The following FZD2 variants were observed in gnomAD, a reference collection of about 807,000 sequenced individuals.
FZD2 encodes the protein frizzled class receptor 2.
FZD2 carries 17 observed loss-of-function variants against 36.7 expected under a neutral mutation model. The ratio of observed to expected loss-of-function variants is 0.46; its 90% CI spans 0.32 to 0.70. The LOEUF (loss-of-function observed/expected upper bound fraction) is 0.70. FZD2 is among the 30% of genes least tolerant of loss of function. FZD2 has a pLI of 0.04. For synonymous variants in FZD2, 333 were observed against 359.6 expected (o/e 0.93, Z 0.84); for missense variants, 525 against 805.6 (o/e 0.65, Z 4.22).
chr17:44,557,854 A>G lies in FZD2; in HGVS notation c.166A>G (p.Ile56Val), dbSNP rs1970845580. 6.2e-7 allele frequency: 1 copy of G among 1,613,984 alleles called. No individual in the cohort carries two copies. The highest frequency in any genetic ancestry group is 1.3e-5 in the African/African-American group (1 of 74,912). The part of the protein sequence containing the change: ...LCTDIAYNQT[I>V]MPNLLGHTNQ... Reference sequence around the variant, plus strand: ...CACGGACATCGCCTACAACCAGACCATCATGCCCAACCTTCTGGGCCACAC... The same window carrying G: ...CACGGACATCGCCTACAACCAGACCGTCATGCCCAACCTTCTGGGCCACAC... Residue 56 changes from isoleucine (I) to valine (V), a missense_variant, in exon 1 of 1, where the codon ATC becomes GTC. This residue lies in a region of FZD2 where 29 missense variants were observed against 82.4 expected (regional missense o/e 0.35). Coordinates refer to ENST00000315323, the MANE Select transcript of FZD2 (RefSeq NM_001466.4). The surrounding 1 kb of genome is among the most constrained non-coding windows in gnomAD (Gnocchi z 4.9).
rs1313542226 is a variant in FZD2 at position 44,561,053 on chromosome 17, G to A, written c.*1667G>A. On this transcript the variant is annotated 3_prime_UTR_variant, in exon 1 of 1. Coordinates refer to ENST00000315323, the MANE Select transcript of FZD2 (RefSeq NM_001466.4). The stretch of plus-strand genomic sequence containing the variant: ...TTAAGTTAACTTCCTGAGAAGTGAT[G>A]TCTAAAAGTATCTTTGCTGGTGTGA... 6.6e-6 allele frequency among the ~76,000 whole-genome samples: 1 copy of A among 152,162 alleles called. No homozygotes were observed. Among genetic ancestry groups the A allele is most frequent in the Non-Finnish European group, 1.5e-5 (1 of 68,034 alleles).
Position 44,559,209 on chromosome 17 carries a change from G to C in FZD2, c.1521G>C (p.Pro507=), listed in dbSNP as rs758721487. The C allele has an allele frequency of 1.9e-6, 3 of 1,613,960 alleles. No homozygotes were observed. The highest frequency in any genetic ancestry group is 2.5e-6 in the Non-Finnish European group (3 of 1,179,990). Residue 507 remains proline, a synonymous_variant, in exon 1 of 1, where the codon CCG becomes CCC. Transcript: ENST00000315323. This position sits in a 1 kb window ranked among gnomAD's most constrained non-coding sequence, Gnocchi z 4.4. ...QHCKSLAIPC[P]AHYTPRMSPD... is the part of the protein sequence containing the mutation. ...GCAAGAGCCTGGCCATCCCGTGCCC[G>C]GCGCACTACACGCCGCGCATGTCGC...
In FZD2 at chr17:44,558,314, C is replaced by T; in HGVS notation, c.626C>T (p.Ser209Phe). ...TGCCCGCGCGTCCTCAAGGTGCCAT[C>T]CTATCTCAGCTACAAGTTTCTGGGC... Reference protein sequence around the residue: ...FHCPRVLKVPSYLSYKFLGER... With the variant: ...FHCPRVLKVPFYLSYKFLGER... The change falls in exon 1 of 1, where the codon TCC (serine) becomes TTC (phenylalanine). Residue 209 changes from serine to phenylalanine, a missense_variant. Ser to Phe is a radical substitution (Grantham distance 155, BLOSUM62 -2). Transcript: ENST00000315323. The surrounding 1 kb of genome is among the most constrained non-coding windows in gnomAD (Gnocchi z 9.3). 1.3e-6 allele frequency: 2 copies of T among 1,491,348 alleles called. No individual in the cohort carries two copies. Among genetic ancestry groups the T allele is most frequent in the Non-Finnish European group, 8.9e-7 (1 of 1,127,502 alleles). The allele number at this position is 1,491,348 out of a possible 1,614,324, so 92.4% of individuals were successfully genotyped here.
chr17:44,561,157 G>C lies in FZD2; in HGVS notation c.*1771G>C, dbSNP rs1047995. On this transcript the variant is annotated 3_prime_UTR_variant, in exon 1 of 1. Transcript: ENST00000315323. The stretch of plus-strand genomic sequence containing the variant: ...AATTTTAATTCCAAAGGATTAGTTT[G>C]AATACAAGTATGCCACATAACTCAG... 6.6e-6 allele frequency among the ~76,000 whole-genome samples: 1 copy of C among 152,176 alleles called. No homozygotes were observed. Among genetic ancestry groups the C allele is most frequent in the South Asian group, 2.1e-4 (1 of 4,826 alleles).
Position 44,559,270 on chromosome 17 carries a change from A to G in FZD2, c.1582A>G (p.Thr528Ala). The change falls in exon 1 of 1, where the codon ACG becomes GCG. Residue 528 changes from threonine to alanine, a missense_variant. Physicochemically the swap from Thr to Ala is moderately conservative, Grantham distance 58. Transcript: ENST00000315323. The surrounding 1 kb of genome is among the most constrained non-coding windows in gnomAD (Gnocchi z 4.4). ...GGTCTACATGATCAAATACCTCATG[A>G]CGCTCATCGTGGGCATCACGTCGGG... Reference protein sequence around the residue: ...FTVYMIKYLMTLIVGITSGFW... With the variant: ...FTVYMIKYLMALIVGITSGFW... 1.9e-6 allele frequency: 3 copies of G among 1,614,002 alleles called. No homozygotes were observed. Among genetic ancestry groups the G allele is most frequent in the Non-Finnish European group, 2.5e-6 (3 of 1,179,988 alleles).
In FZD2 at chr17:44,557,586, G is replaced by GCGGCAGC. The variant is rs1970840591; in HGVS notation, c.-100_-94dup. 3 of 733,758 alleles carry GCGGCAGC rather than the reference G, an allele frequency of 4.1e-6. No individual in the cohort carries two copies. Among genetic ancestry groups the GCGGCAGC allele is most frequent in the Non-Finnish European group, 5.6e-6 (3 of 532,054 alleles). 45.5% of individuals were successfully genotyped at this position (733,758 alleles called of 1,614,324 possible). A position where few individuals can be genotyped will look rare whatever the true frequency, so the allele number is the denominator to read the frequency against. ...TAAAGTTTGCAAAGAGGCGCGGGAG[G>GCGGCAGC]CGGCAGCCGCAGCGAGGAGGCGGCG... is the stretch of plus-strand genomic sequence containing the variant. On this transcript the variant is annotated 5_prime_UTR_variant, in exon 1 of 1. Coordinates refer to ENST00000315323, the MANE Select transcript of FZD2 (RefSeq NM_001466.4). This position sits in a 1 kb window ranked among gnomAD's most constrained non-coding sequence, Gnocchi z 4.9.
rs1038929261 is a variant in FZD2 at position 44,558,236 on chromosome 17, C to T, written c.548C>T (p.Pro183Leu). 4.4e-6 allele frequency: 6 copies of T among 1,373,354 alleles called. No individual in the cohort carries two copies. The African/African-American group carries it at 6.1e-5, about 14-fold the overall frequency. 85.1% of individuals were successfully genotyped at this position (1,373,354 alleles called of 1,614,324 possible). A position where few individuals can be genotyped will look rare whatever the true frequency, so the allele number is the denominator to read the frequency against. Residue 183 changes from proline (P) to leucine (L), a missense_variant, in exon 1 of 1, where the codon CCG becomes CTG. Pro to Leu is a moderately conservative substitution (Grantham distance 98). Transcript: ENST00000315323. This position sits in a 1 kb window ranked among gnomAD's most constrained non-coding sequence, Gnocchi z 9.3. ...QPGAGGTPGG[P>L]GGGGAPPRYA... ...GGTGCCGGGGGCACCCCGGGTGGCC[C>T]GGGCGGCGGCGGCGCTCCCCCGCGC...
rs992827478 is a variant in FZD2, at chr17:44,560,023, A to T, written c.*637A>T. 1.3e-5 allele frequency among the ~76,000 whole-genome samples: 2 copies of T among 151,814 alleles called. No individual in the cohort carries two copies. The highest frequency in any genetic ancestry group is 4.8e-5 in the African/African-American group (2 of 41,332). ...ACAGAGATGAAGACGTGGAAAAAAA[A>T]ATCGGGGTCGGGGTGTGCTGGTGGG... On this transcript the variant is annotated 3_prime_UTR_variant, in exon 1 of 1. Coordinates refer to ENST00000315323, the MANE Select transcript of FZD2 (RefSeq NM_001466.4).
In FZD2 at chr17:44,559,286, T is replaced by C; in HGVS notation, c.1598T>C (p.Ile533Thr). The C allele has an allele frequency of 6.2e-7, 1 of 1,614,070 alleles. No homozygotes were observed. Among genetic ancestry groups the C allele is most frequent in the Non-Finnish European group, 8.5e-7 (1 of 1,180,032 alleles). The change falls in exon 1 of 1, where the codon ATC becomes ACC. Residue 533 changes from isoleucine to threonine, a missense_variant. By Grantham distance (89) the Ile-to-Thr change is moderately conservative. Around this residue, in one of 5 missense-constraint regions of FZD2, gnomAD observed 189 missense variants for 298.1 expected, o/e 0.63. Transcript: ENST00000315323. The surrounding 1 kb of genome is among the most constrained non-coding windows in gnomAD (Gnocchi z 4.4). ...IKYLMTLIVG[I>T]TSGFWIWSGK... ...TACCTCATGACGCTCATCGTGGGCATCACGTCGGGCTTCTGGATCTGGTCG... is the reference window on the plus strand; with the variant it reads ...TACCTCATGACGCTCATCGTGGGCACCACGTCGGGCTTCTGGATCTGGTCG...
At position 44,557,523 on chromosome 17, in the gene FZD2, C is replaced by G. The variant is rs1410107361; in HGVS notation, c.-166C>G. ...AAGCAAGCGGGCAGGCGCACCGCCC[C>G]CTCCCCCGCCCGGCCTCCCCAACTC... On this transcript the variant is annotated 5_prime_UTR_variant, in exon 1 of 1. Transcript: ENST00000315323. The surrounding 1 kb of genome is among the most constrained non-coding windows in gnomAD (Gnocchi z 4.9). The G allele has an allele frequency of 1.9e-6, 1 of 519,356 alleles. No individual in the cohort carries two copies. The allele number at this position is 519,356 out of a possible 1,614,324, so 32.2% of individuals were successfully genotyped here. A position where few individuals can be genotyped will look rare whatever the true frequency, so the allele number is the denominator to read the frequency against.
rs1403817165 is a variant in FZD2 at position 44,560,275 on chromosome 17, G to A, written c.*889G>A. On this transcript the variant is annotated 3_prime_UTR_variant, in exon 1 of 1. Coordinates refer to ENST00000315323, the MANE Select transcript of FZD2 (RefSeq NM_001466.4). ...CCCTTCATGTCTAGGGGAAGCATTC[G>A]CCTTTGAGCACTTGTTTGCAAATCT... Among the ~76,000 whole-genome samples, 2 of 152,112 alleles carry A rather than the reference G, an allele frequency of 1.3e-5. No individual in the cohort carries two copies. The highest frequency in any genetic ancestry group is 2.9e-5 in the Non-Finnish European group (2 of 68,036).
At position 44,560,026 on chromosome 17, in the gene FZD2, C is replaced by T. The variant is rs1344942929; in HGVS notation, c.*640C>T. Among the ~76,000 whole-genome samples, 2 of 150,788 alleles carry T rather than the reference C, an allele frequency of 1.3e-5. No homozygotes were observed. Among genetic ancestry groups the T allele is most frequent in the African/African-American group, 2.5e-5 (1 of 40,740 alleles). On this transcript the variant is annotated 3_prime_UTR_variant, in exon 1 of 1. Coordinates refer to ENST00000315323, the MANE Select transcript of FZD2 (RefSeq NM_001466.4). ...GAGATGAAGACGTGGAAAAAAAAAT[C>T]GGGGTCGGGGTGTGCTGGTGGGGAG...
Position 44,558,963 on chromosome 17 carries a change from C to T in FZD2, c.1275C>T (p.Phe425=). Residue 425 remains phenylalanine, a synonymous_variant, in exon 1 of 1, where the codon TTC becomes TTT. Transcript: ENST00000315323. The surrounding 1 kb of genome is among the most constrained non-coding windows in gnomAD (Gnocchi z 9.3). ...FVLAPLFVYL[F]IGTSFLLAGF... Reference sequence around the variant, plus strand: ...TAGCGCCGCTCTTCGTGTACCTGTTCATCGGCACGTCCTTCCTCCTGGCCG... The same window carrying T: ...TAGCGCCGCTCTTCGTGTACCTGTTTATCGGCACGTCCTTCCTCCTGGCCG... 1 of 1,614,098 alleles carries T rather than the reference C, an allele frequency of 6.2e-7. No homozygotes were observed. The highest frequency in any genetic ancestry group is 8.5e-7 in the Non-Finnish European group (1 of 1,180,036).
Position 44,559,536 on chromosome 17 carries a change from C to A in FZD2, c.*150C>A. The stretch of plus-strand genomic sequence containing the variant: ...TAAAAGAGAACTCTCTGCCCAACAC[C>A]CCCACAAGGTTTGTAATTAAAACTG... On this transcript the variant is annotated 3_prime_UTR_variant, in exon 1 of 1. Transcript: ENST00000315323. This position sits in a 1 kb window ranked among gnomAD's most constrained non-coding sequence, Gnocchi z 4.4. 1.0e-6 allele frequency: 1 copy of A among 1,003,386 alleles called. No individual in the cohort carries two copies. Among genetic ancestry groups the A allele is most frequent in the Non-Finnish European group, 1.4e-6 (1 of 738,114 alleles). The allele number at this position is 1,003,386 out of a possible 1,614,324, so 62.2% of individuals were successfully genotyped here.
In FZD2 at chr17:44,558,270, G is replaced by T. The variant is rs1970850241; in HGVS notation, c.582G>T (p.Thr194=). Residue 194 remains threonine, a synonymous_variant, in exon 1 of 1, where the codon ACG becomes ACT. Coordinates refer to ENST00000315323, the MANE Select transcript of FZD2 (RefSeq NM_001466.4). This position sits in a 1 kb window ranked among gnomAD's most constrained non-coding sequence, Gnocchi z 9.3. ...GGGGAPPRYA[T]LEHPFHCPRV... Reference sequence around the variant, plus strand: ...GCGGCGCTCCCCCGCGCTACGCCACGCTGGAGCACCCCTTCCACTGCCCGC... The same window carrying T: ...GCGGCGCTCCCCCGCGCTACGCCACTCTGGAGCACCCCTTCCACTGCCCGC... 2.1e-6 allele frequency: 3 copies of T among 1,420,550 alleles called. No individual in the cohort carries two copies. Among genetic ancestry groups the T allele is most frequent in the African/African-American group, 3.0e-5 (2 of 66,698 alleles). The allele number at this position is 1,420,550 out of a possible 1,614,324, so 88.0% of individuals were successfully genotyped here.
rs772464517 is a variant in FZD2 at position 44,557,614 on chromosome 17, G to A, written c.-75G>A. On this transcript the variant is annotated 5_prime_UTR_variant, in exon 1 of 1. Coordinates refer to ENST00000315323, the MANE Select transcript of FZD2 (RefSeq NM_001466.4). This position sits in a 1 kb window ranked among gnomAD's most constrained non-coding sequence, Gnocchi z 4.9. The stretch of plus-strand genomic sequence containing the variant: ...GCAGCCGCAGCGAGGAGGCGGCGGG[G>A]AAGAAGCGCAGTCTCCGGGTTGGGG... 2.1e-6 allele frequency: 2 copies of A among 940,124 alleles called. No homozygotes were observed. The highest frequency in any genetic ancestry group is 3.2e-5 in the South Asian group (1 of 31,148). The allele number at this position is 940,124 out of a possible 1,614,324, so 58.2% of individuals were successfully genotyped here. A position where few individuals can be genotyped will look rare whatever the true frequency, so the allele number is the denominator to read the frequency against.
chr17:44,559,189 A>G lies in FZD2; in HGVS notation c.1501A>G (p.Ser501Gly). The change falls in exon 1 of 1, where the codon AGC becomes GGC. Residue 501 changes from serine (S) to glycine (G), a missense_variant. Ser to Gly is a moderately conservative substitution (Grantham distance 56). Around this residue, in one of 5 missense-constraint regions of FZD2, gnomAD observed 189 missense variants for 298.1 expected, o/e 0.63. Transcript: ENST00000315323. The surrounding 1 kb of genome is among the most constrained non-coding windows in gnomAD (Gnocchi z 4.4). ...ERSWVSQHCK[S>G]LAIPCPAHYT... ...CTCGTGGGTGAGCCAGCACTGCAAG[A>G]GCCTGGCCATCCCGTGCCCGGCGCA... The G allele has an allele frequency of 1.2e-6, 2 of 1,613,910 alleles. No homozygotes were observed. The highest frequency in any genetic ancestry group is 1.7e-6 in the Non-Finnish European group (2 of 1,179,986).
chr17:44,558,295 C>A lies in FZD2; in HGVS notation c.607C>A (p.Arg203Ser). Residue 203 changes from arginine (R) to serine (S), a missense_variant, in exon 1 of 1, where the codon CGC becomes AGC. Transcript: ENST00000315323. The surrounding 1 kb of genome is among the most constrained non-coding windows in gnomAD (Gnocchi z 9.3). ...ATLEHPFHCP[R>S]VLKVPSYLSY... Reference sequence around the variant, plus strand: ...GCTGGAGCACCCCTTCCACTGCCCGCGCGTCCTCAAGGTGCCATCCTATCT... The same window carrying A: ...GCTGGAGCACCCCTTCCACTGCCCGAGCGTCCTCAAGGTGCCATCCTATCT... 1.4e-6 allele frequency: 2 copies of A among 1,457,900 alleles called. No individual in the cohort carries two copies. The highest frequency in any genetic ancestry group is 1.6e-5 in the South Asian group (1 of 64,184). 90.3% of individuals were successfully genotyped at this position (1,457,900 alleles called of 1,614,324 possible). A position where few individuals can be genotyped will look rare whatever the true frequency, so the allele number is the denominator to read the frequency against.
Position 44,559,423 on chromosome 17 carries a change from T to G in FZD2, c.*37T>G. ...AGGCCGGAACCGCGCGGCGCTTTCC[T>G]CCGCCCGGGGTGGGGCCCCTACAGA... On this transcript the variant is annotated 3_prime_UTR_variant, in exon 1 of 1. Coordinates refer to ENST00000315323, the MANE Select transcript of FZD2 (RefSeq NM_001466.4). This position sits in a 1 kb window ranked among gnomAD's most constrained non-coding sequence, Gnocchi z 4.4. 2.0e-6 allele frequency: 3 copies of G among 1,525,776 alleles called. No homozygotes were observed. The highest frequency in any genetic ancestry group is 2.6e-6 in the Non-Finnish European group (3 of 1,139,110). 94.5% of individuals were successfully genotyped at this position (1,525,776 alleles called of 1,614,324 possible).
Sources: gnomAD v4.1 joint callset for allele counts (sites outside exome capture counted in the v4.1 genomes callset) on GRCh38, gnomAD v4.1.1 for gene constraint, gnomAD v4.1.1 regional missense constraint, Gnocchi (gnomAD v3.1) non-coding constraint, MANE v1.5 for transcripts, NCBI Gene and HGNC (gene_info 2026-07-23, HGNC 2026-07-21) for gene names.